The following TLL2 variants were observed in gnomAD, a reference collection of about 807,000 sequenced individuals.
TLL2 encodes tolloid like 2.
TLL2 carries 106 observed loss-of-function variants against 123.0 expected under a neutral mutation model. The observed-to-expected ratio is 0.86, with a 90% CI of 0.74 to 1.01. The LOEUF is 1.01. TLL2 is among the 50% of genes least tolerant of loss of function. The probability of loss-of-function intolerance (pLI) is 0.00; values close to 1 mark genes in which losing one functional copy is unlikely to be tolerated. For missense variants in TLL2, 1,332 were observed against 1,336.7 expected, an observed-to-expected ratio of 1.00 and a Z score of 0.06; for synonymous variants, 494 against 516.8, an observed-to-expected ratio of 0.96 and a Z score of 0.60.
At chr10:96,409,593 G>C (rs1846481796) in intron 9 of TLL2, among the ~76,000 whole-genome samples, 1 of 152,198 alleles carries the variant, frequency 6.6e-6, no homozygotes, top group Non-Finnish European at 1.5e-5. Context: ...TCCTTATCCA[G>C]ATAATGGATA....
At chr10:96,422,497 G>T in intron 6 of TLL2, 52 bp downstream of exon 6, 1 of 1,604,038 alleles carries the variant, frequency 6.2e-7, no homozygotes, top group Non-Finnish European at 8.5e-7. Flanking sequence ...CTGTCCCTGA[G>T]GTTGCCACCT....
chr10:96,442,765 C>T (rs1045191002), intron 3 of TLL2, among the ~76,000 whole-genome samples: 10 of 151,842 alleles, frequency 6.6e-5, no homozygotes, highest in Non-Finnish European at 1.3e-4. Context: ...TCCTTCCTGT[C>T]CTCTGTAATT....
intron 1 of TLL2, among the ~76,000 whole-genome samples, chr10:96,498,013 G>C (rs1371614377): frequency 1.3e-5 from 2 of 152,188 alleles, no homozygotes; most frequent in Non-Finnish European, 2.9e-5. Context: ...AATGGAGAGA[G>C]GATGCAGTTT....
chr10:96,422,361 C>T (rs1846633217), intron 6 of TLL2, among the ~76,000 whole-genome samples, 188 bp downstream of exon 6: 1 of 152,132 alleles, frequency 6.6e-6, no homozygotes, highest in Non-Finnish European at 1.5e-5. Context: ...TGGCAGATGA[C>T]CTCCCAGGAA....
chr10:96,397,392 C>T lies in TLL2; in HGVS notation c.1268-90G>A, dbSNP rs989958433. 51 of 1,025,782 alleles carry T rather than the reference C, an allele frequency of 5.0e-5. No homozygotes were observed. The East Asian group carries it at 1.0e-3, about 21-fold the overall frequency. The allele number at this position is 1,025,782 out of a possible 1,614,324, so 63.5% of individuals were successfully genotyped here. ...TAGGAGGAAGCTGAGGTTCTTCACA[C>T]GTGGTTTGAAGTGAGCAATAACCCT... On this transcript the variant is annotated intron_variant, in intron 10 of 20. Coordinates refer to ENST00000357947, the MANE Select transcript of TLL2 (RefSeq NM_012465.4).
intron 13 of TLL2, among the ~76,000 whole-genome samples, chr10:96,394,910 C>T (rs530853662): frequency 6.6e-6 from 1 of 152,350 alleles, no homozygotes; most frequent in Admixed American, 6.5e-5. Context: ...TTATTCCATG[C>T]TCAGTTTCAC....
chr10:96,476,240 A>ATATATTTTTTTTTT lies in TLL2; in HGVS notation c.286+4108_286+4109insAAAAAAAAAATATA. Among the ~76,000 whole-genome samples, 5 of 20,496 alleles carry ATATATTTTTTTTTT rather than the reference A, an allele frequency of 2.4e-4. No individual in the cohort carries two copies. In the East Asian group the frequency reaches 6.5e-3, roughly 27 times the overall value. The allele number at this position is 20,496 out of a possible 152,430, so 13.4% of individuals were successfully genotyped here. Reference sequence around the variant, plus strand: ...TTTATATGTATATATATATATATATATTTTATTTTTGTTGTTGTTGTTGTT... The same window carrying ATATATTTTTTTTTT: ...TTTATATGTATATATATATATATATATATATTTTTTTTTTTTTTATTTTTGTTGTTGTTGTTGTT... On this transcript the variant is annotated intron_variant, in intron 2 of 20. Transcript: ENST00000357947.
At chr10:96,386,525 G>T (rs561920774) in intron 14 of TLL2, among the ~76,000 whole-genome samples, 6 of 152,220 alleles carry the variant, frequency 3.9e-5, no homozygotes, top group Non-Finnish European at 8.8e-5. Context: ...TTTGCAGCAA[G>T]CTACTCACCA....
At chr10:96,398,931 G>C (rs1846365553) in intron 10 of TLL2, among the ~76,000 whole-genome samples, 1 of 142,486 alleles carries the variant, frequency 7.0e-6, no homozygotes, top group South Asian at 2.2e-4. Context: ...GAACACAATG[G>C]CGTGATCTCA....
At chr10:96,413,111 C>A in intron 8 of TLL2, 81 bp downstream of exon 8, 1 of 1,573,100 alleles carries the variant, frequency 6.4e-7, no homozygotes, top group Non-Finnish European at 8.7e-7. Flanking sequence ...CCTTTAGGTC[C>A]CCCAAGTTGT....
intron 10 of TLL2, among the ~76,000 whole-genome samples, chr10:96,404,473 A>G (rs1846429961): frequency 6.6e-6 from 1 of 152,212 alleles, no homozygotes; most frequent in Admixed American, 6.5e-5. Flanking sequence ...TGAAATAACC[A>G]GTGTGTTATT....
intron 9 of TLL2, among the ~76,000 whole-genome samples, chr10:96,406,906 T>C (rs1217263925): frequency 6.6e-6 from 1 of 152,134 alleles, no homozygotes; most frequent in African/African-American, 2.4e-5. Flanking sequence ...GCTGCAGCTC[T>C]TTTTAAGATA....
intron 10 of TLL2, among the ~76,000 whole-genome samples, chr10:96,402,409 A>C (rs1846405444): frequency 6.6e-6 from 1 of 152,208 alleles, no homozygotes; most frequent in South Asian, 2.1e-4. Flanking sequence ...GTCTCCCAGG[A>C]ATCTGTATTC....
intron 1 of TLL2, among the ~76,000 whole-genome samples, chr10:96,497,118 T>TA (rs746284130): frequency 0.034 from 4,788 of 140,060 alleles, 207 homozygotes; most frequent in African/African-American, 0.11. Context: ...CTGTCTCTGC[T>TA]AAAAAAAAAA....
rs1846009205 is a variant in TLL2 at position 96,364,918 on chromosome 10, A to G, written c.*3170T>C. 6.6e-6 allele frequency: 1 copy of G among 152,250 alleles called. No individual in the cohort carries two copies. Among genetic ancestry groups the G allele is most frequent in the Non-Finnish European group, 1.5e-5 (1 of 68,040 alleles). 9.4% of individuals were successfully genotyped at this position (152,250 alleles called of 1,614,324 possible). A position where few individuals can be genotyped will look rare whatever the true frequency, so the allele number is the denominator to read the frequency against. On this transcript the variant is annotated 3_prime_UTR_variant, in exon 21 of 21. Transcript: ENST00000357947. The stretch of plus-strand genomic sequence containing the variant: ...ATCTGAAAGCTATCAAAGGGACCCA[A>G]TCAATAGAAAATCTCAATGTGAATT...
At chr10:96,484,938 C>T (rs1847344240) in intron 1 of TLL2, among the ~76,000 whole-genome samples, 1 of 152,214 alleles carries the variant, frequency 6.6e-6, no homozygotes, top group Admixed American at 6.5e-5. Context: ...TCCATCCACG[C>T]TGTCCATATT....
intron 2 of TLL2, among the ~76,000 whole-genome samples, chr10:96,462,857 A>G (rs1317739980): frequency 6.6e-6 from 1 of 152,232 alleles, no homozygotes; most frequent in Admixed American, 6.5e-5. Flanking sequence ...CATGTTAAAT[A>G]GCAAAATCAC....
At chr10:96,446,064 C>G in intron 3 of TLL2, 27 bp downstream of exon 3, 2 of 1,611,772 alleles carry the variant, frequency 1.2e-6, no homozygotes, top group African/African-American at 1.3e-5. Flanking sequence ...ACAAGGTACC[C>G]AAAGACCTGG....
intron 2 of TLL2, among the ~76,000 whole-genome samples, chr10:96,479,349 T>C (rs1847289226): frequency 6.6e-6 from 1 of 152,234 alleles, no homozygotes; most frequent in African/African-American, 2.4e-5. Context: ...GGCAGGTCCC[T>C]GTAGCTGCTC....
Sources: gnomAD v4.1 joint callset for allele counts (sites outside exome capture counted in the v4.1 genomes callset) on GRCh38, gnomAD v4.1.1 for gene constraint, MANE v1.5 for transcripts, NCBI Gene and HGNC (gene_info 2026-07-23, HGNC 2026-07-21) for gene names.